The following CREM variants were observed in gnomAD, a reference collection of about 807,000 sequenced individuals.
CREM encodes cAMP responsive element modulator, also known as cAMP-responsive element modulator.
Under a neutral mutation model 37.3 loss-of-function variants are expected in CREM, and 13 were observed. The ratio of observed to expected loss-of-function variants is 0.35; its 90% CI spans 0.23 to 0.55. The LOEUF is 0.55. Among genes scored for constraint, CREM ranks in the 20% least tolerant of loss-of-function variants. The pLI is 0.88. For synonymous variants in CREM, 124 were observed against 120.2 expected (o/e 1.03, Z -0.21); for missense variants, 296 against 362.3 (o/e 0.82, Z 1.49).
Position 35,137,972 on chromosome 10 carries a change from G to T in CREM, c.44+93G>T, listed in dbSNP as rs2090833367. The T allele has an allele frequency of 1.6e-5, 13 of 791,440 alleles. No individual in the cohort carries two copies. In the South Asian group the frequency reaches 2.8e-4, roughly 17 times the overall value. The allele number at this position is 791,440 out of a possible 1,614,324, so 49.0% of individuals were successfully genotyped here. On this transcript the variant is annotated intron_variant, in intron 2 of 7. Transcript: ENST00000685392. ...TTGATATATAGATGTACACATACATGTATGTATGTATATATATTCTATTAT... is the reference window on the plus strand; with the variant it reads ...TTGATATATAGATGTACACATACATTTATGTATGTATATATATTCTATTAT...
intron 1 of CREM, among the ~76,000 whole-genome samples, chr10:35,128,186 T>C (rs2088382679): frequency 3.3e-5 from 5 of 152,202 alleles, no homozygotes. Context: ...ATCAGATACC[T>C]GAGTTTGAAA....
intron 6 of CREM, chr10:35,195,861 C>G: frequency 1.7e-6 from 1 of 580,502 alleles, no homozygotes; most frequent in South Asian, 2.1e-5. Flanking sequence ...TTGACGTCAG[C>G]TCCGAGTCAT....
intron 1 of CREM, among the ~76,000 whole-genome samples, chr10:35,130,009 CA>C (rs1355066720): frequency 1.3e-5 from 2 of 151,812 alleles, no homozygotes; most frequent in Non-Finnish European, 2.9e-5. Context: ...CCAGCCTAAC[CA>C]ACATGAAGAA....
chr10:35,152,541 G>A (rs758379299), intron 3 of CREM: 1 of 152,174 alleles, frequency 6.6e-6, no homozygotes, highest in African/African-American at 2.4e-5. Context: ...ATCCTAGTAC[G>A]GCAAATAACT....
intron 6 of CREM, among the ~76,000 whole-genome samples, chr10:35,188,781 C>T (rs2094770880): frequency 6.6e-6 from 1 of 151,740 alleles, no homozygotes; most frequent in South Asian, 2.1e-4. Flanking sequence ...CCTCAGCTTC[C>T]CGGGGAGCTG....
intron 3 of CREM, among the ~76,000 whole-genome samples, chr10:35,156,235 G>A (rs1435637139): frequency 1.3e-5 from 2 of 149,626 alleles, no homozygotes; most frequent in East Asian, 2.0e-4. Flanking sequence ...CACAGTTCCC[G>A]GCCACCTCTT....
intron 6 of CREM, among the ~76,000 whole-genome samples, chr10:35,200,733 T>C (rs1054485179): frequency 2.0e-5 from 3 of 152,164 alleles, no homozygotes; most frequent in African/African-American, 7.2e-5. Context: ...AAGTGTGACA[T>C]CTAAGTTAAC....
chr10:35,187,443 A>G (rs2094698077), intron 5 of CREM, among the ~76,000 whole-genome samples: 1 of 148,342 alleles, frequency 6.7e-6, no homozygotes, highest in African/African-American at 2.5e-5. Context: ...TATTTTTAGT[A>G]GAGGCGGGGT....
At chr10:35,143,071 A>G (rs1245429573) in intron 2 of CREM, among the ~76,000 whole-genome samples, 1 of 152,210 alleles carries the variant, frequency 6.6e-6, no homozygotes, top group African/African-American at 2.4e-5. Flanking sequence ...CCCAGGTTCA[A>G]GCAATTCTCC....
chr10:35,188,434 A>G (rs773755095), intron 6 of CREM, 46 bp downstream of exon 6: 22 of 1,486,856 alleles, frequency 1.5e-5, no homozygotes, highest in Non-Finnish European at 2.0e-5. Flanking sequence ...ATGGATTACT[A>G]TATCACACCA....
intron 3 of CREM, among the ~76,000 whole-genome samples, chr10:35,175,244 G>C (rs12264698): frequency 6.6e-6 from 1 of 151,750 alleles, no homozygotes; most frequent in Non-Finnish European, 1.5e-5. Context: ...TCAGGAGATC[G>C]AGACCATCCT....
rs141349432 is a variant in CREM, at chr10:35,209,919, A to G, written c.756-1335A>G. Among the ~76,000 whole-genome samples, 1,174 of 152,302 alleles carry G rather than the reference A, an allele frequency of 7.7e-3. 22 individuals carry two copies. The highest frequency in any genetic ancestry group is 0.026 in the African/African-American group (1,066 of 41,562). ...CAGCTGAGAAGTCTGAGAACTTTGT[A>G]TGTTCACAGGGTGAGTCCATTGTTC... On this transcript the variant is annotated intron_variant, in intron 7 of 7. Coordinates refer to ENST00000685392, the MANE Select transcript of CREM (RefSeq NM_183011.2).
chr10:35,146,275 T>C (rs1467139428), intron 2 of CREM, among the ~76,000 whole-genome samples: 1 of 152,202 alleles, frequency 6.6e-6, no homozygotes, highest in East Asian at 1.9e-4. Flanking sequence ...TCCAAAATAC[T>C]CCTGCTAGGG....
intron 6 of CREM, among the ~76,000 whole-genome samples, chr10:35,191,377 T>A (rs1004738116): frequency 6.6e-6 from 1 of 152,240 alleles, no homozygotes; most frequent in African/African-American, 2.4e-5. Context: ...TGAATGTTTA[T>A]ACAAATAGTG....
At chr10:35,170,329 G>A (rs1251418132) in intron 3 of CREM, among the ~76,000 whole-genome samples, 7 of 151,998 alleles carry the variant, frequency 4.6e-5, no homozygotes, top group African/African-American at 1.7e-4. Context: ...TTTTTGCATC[G>A]ATGTTCATCA....
intron 6 of CREM, among the ~76,000 whole-genome samples, chr10:35,202,396 T>G (rs1308548126): frequency 6.6e-6 from 1 of 152,168 alleles, no homozygotes; most frequent in African/African-American, 2.4e-5. Context: ...GACATTTAGA[T>G]TTTCTCAAAA....
At chr10:35,148,542 T>G in intron 3 of CREM, 51 bp downstream of exon 3, 1 of 1,567,580 alleles carries the variant, frequency 6.4e-7, no homozygotes, top group Non-Finnish European at 8.7e-7. Context: ...GAAATGAGAA[T>G]TAGGTGCAGA....
chr10:35,160,196 C>T (rs570049361), intron 3 of CREM, among the ~76,000 whole-genome samples: 1 of 152,240 alleles, frequency 6.6e-6, no homozygotes, highest in African/African-American at 2.4e-5. Context: ...CTGAATACTA[C>T]AGGCAATTGG....
At chr10:35,127,563 C>T (rs1343612244) in intron 1 of CREM, 2 of 152,456 alleles carry the variant, frequency 1.3e-5, no homozygotes, top group African/African-American at 4.8e-5. Context: ...AAAAGGAATC[C>T]AGAAGTAAGG....
Sources: gnomAD v4.1 joint callset for allele counts (sites outside exome capture counted in the v4.1 genomes callset) on GRCh38, gnomAD v4.1.1 for gene constraint, MANE v1.5 for transcripts, NCBI Gene and HGNC (gene_info 2026-07-23, HGNC 2026-07-21) for gene names.